Variants in GRIN2B observed in about 807,000 individuals in gnomAD.
GRIN2B encodes glutamate ionotropic receptor NMDA type subunit 2B.
GRIN2B carries 5 observed loss-of-function variants against 114.5 expected under a neutral mutation model. That is an observed-to-expected ratio of 0.04 (90% confidence interval 0.02 to 0.09). GRIN2B has a LOEUF of 0.09. Among genes scored for constraint, GRIN2B ranks in the 10% least tolerant of loss-of-function variants. The pLI is 1.00. For missense variants in GRIN2B, 1,108 were observed against 1,943.5 expected (o/e 0.57, Z 8.08); for synonymous variants, 787 against 745.1 (o/e 1.06, Z -0.92).
At chr12:13,664,638 A>G (rs1358412846) in intron 5 of GRIN2B, among the ~76,000 whole-genome samples, 2 of 152,172 alleles carry the variant, frequency 1.3e-5, no homozygotes, top group Non-Finnish European at 2.9e-5. Flanking sequence ...GAATTTGAAG[A>G]TCAGTGTTCT....
At chr12:13,850,521 G>A (rs561167785) in intron 3 of GRIN2B, among the ~76,000 whole-genome samples, 1 of 152,196 alleles carries the variant, frequency 6.6e-6, no homozygotes, top group African/African-American at 2.4e-5. Flanking sequence ...GGGTGGACCT[G>A]ACAGTTTTGC....
intron 5 of GRIN2B, among the ~76,000 whole-genome samples, chr12:13,656,750 A>G (rs1949868208): frequency 1.3e-5 from 2 of 152,236 alleles, no homozygotes; most frequent in Admixed American, 1.3e-4. Flanking sequence ...TAATGAATAA[A>G]TAGATGTCAC....
intron 5 of GRIN2B, among the ~76,000 whole-genome samples, chr12:13,617,290 G>A (rs1353478835): frequency 6.6e-6 from 1 of 152,204 alleles, no homozygotes; most frequent in Non-Finnish European, 1.5e-5. Context: ...GATGAACATG[G>A]GTCAATGCAG....
At chr12:13,830,089 C>T (rs1281002591) in intron 3 of GRIN2B, among the ~76,000 whole-genome samples, 2 of 152,146 alleles carry the variant, frequency 1.3e-5, no homozygotes, top group Non-Finnish European at 2.9e-5. Flanking sequence ...AAAATGAGTT[C>T]TGTTAACAAG....
At chr12:13,830,919 G>A (rs1865133424) in intron 3 of GRIN2B, among the ~76,000 whole-genome samples, 1 of 152,196 alleles carries the variant, frequency 6.6e-6, no homozygotes, top group South Asian at 2.1e-4. Context: ...CCAAACCTTT[G>A]TTGAAATTCG....
chr12:13,617,029 G>T (rs1805537), intron 5 of GRIN2B, among the ~76,000 whole-genome samples: 3,132 of 152,282 alleles, frequency 0.021, 112 homozygotes, highest in African/African-American at 0.072. Context: ...AAGTGAGGAT[G>T]CTGGAGTTCC....
At position 13,546,211 on chromosome 12, in the gene GRIN2B, A is replaced by G. The variant is rs61911348; in HGVS notation, c.*16572T>C. The stretch of plus-strand genomic sequence containing the variant: ...CCCAATTTAAGTCAATGTAATCACA[A>G]TGCACACAAGGCTCTTCCACTCAGA... On this transcript the variant is annotated 3_prime_UTR_variant, in exon 14 of 14. Transcript: ENST00000609686. 0.098 allele frequency: 14,940 copies of G among 152,316 alleles called. 851 individuals carry two copies. Among genetic ancestry groups the G allele is most frequent in the African/African-American group, 0.14 (5,718 of 41,548 alleles). The allele number at this position is 152,316 out of a possible 1,614,324, so 9.4% of individuals were successfully genotyped here.
At chr12:13,735,579 C>A (rs1382329742) in intron 4 of GRIN2B, among the ~76,000 whole-genome samples, 1 of 152,192 alleles carries the variant, frequency 6.6e-6, no homozygotes, top group African/African-American at 2.4e-5. Context: ...AGACTGCTCT[C>A]CTGTCATGAT....
intron 4 of GRIN2B, among the ~76,000 whole-genome samples, chr12:13,692,565 G>A (rs1476600805): frequency 6.6e-6 from 1 of 151,838 alleles, no homozygotes; most frequent in Non-Finnish European, 1.5e-5. Context: ...CACGTTAGGT[G>A]AACTGCCGTG....
chr12:13,843,049 ATTTATATTT>A (rs931783352), intron 3 of GRIN2B, among the ~76,000 whole-genome samples: 1 of 95,840 alleles, frequency 1.0e-5, no homozygotes, highest in Non-Finnish European at 2.2e-5. Context: ...TTATTTATTT[ATTTATATTT>A]TATTTTAAGT....
At chr12:13,913,302 C>T (rs1866655738) in intron 2 of GRIN2B, among the ~76,000 whole-genome samples, 2 of 152,174 alleles carry the variant, frequency 1.3e-5, no homozygotes, top group Non-Finnish European at 2.9e-5. Context: ...CCTGTACTCA[C>T]CCTACTCGCA....
In GRIN2B at chr12:13,563,495, G is replaced by A. The variant is rs1591605796; in HGVS notation, c.3743C>T (p.Ala1248Val). ...ACIRCEACKK[A>V]GNLYDISEDN... ...CTCACTGATGTCATACAGGTTGCCT[G>A]CTTTCTTGCAAGCCTCACACCGGAT... Residue 1248 changes from alanine (A) to valine (V), a missense_variant, in exon 14 of 14, where the codon GCA (alanine) becomes GTA (valine). By Grantham distance (64) the Ala-to-Val change is moderately conservative (BLOSUM62 0). Transcript: ENST00000609686. The A allele has an allele frequency of 6.2e-7, 1 of 1,614,012 alleles. No individual in the cohort carries two copies. Among genetic ancestry groups the A allele is most frequent in the African/African-American group, 1.3e-5 (1 of 74,912 alleles).
At chr12:13,682,725 A>G (rs185295158) in intron 4 of GRIN2B, among the ~76,000 whole-genome samples, 186 of 152,328 alleles carry the variant, frequency 1.2e-3, no homozygotes, top group African/African-American at 4.2e-3. Flanking sequence ...ACTGGTGGTG[A>G]GAAATGTGCT....
At chr12:13,974,154 G>A (rs767292691) in intron 2 of GRIN2B, among the ~76,000 whole-genome samples, 4 of 152,214 alleles carry the variant, frequency 2.6e-5, no homozygotes, top group Non-Finnish European at 5.9e-5. Flanking sequence ...GGGCTAGGCT[G>A]GTCCTTCATT....
chr12:13,746,049 TTATACAGTA>T (rs1863377203), intron 4 of GRIN2B, among the ~76,000 whole-genome samples: 1 of 151,930 alleles, frequency 6.6e-6, no homozygotes, highest in Non-Finnish European at 1.5e-5. Context: ...TAAATATAAT[TTATACAGTA>T]TATCAGATAT....
chr12:13,646,817 T>A (rs1949765350), intron 5 of GRIN2B, among the ~76,000 whole-genome samples: 2 of 151,978 alleles, frequency 1.3e-5, no homozygotes, highest in African/African-American at 4.8e-5. Context: ...TGTGAGCCAC[T>A]GCACCCAGCC....
intron 3 of GRIN2B, among the ~76,000 whole-genome samples, chr12:13,844,291 T>C (rs1385359227): frequency 3.3e-5 from 5 of 152,208 alleles, no homozygotes. Flanking sequence ...TTCCTCTGTA[T>C]GGGTCCATTC....
rs117339500 is a variant in GRIN2B at position 13,943,795 on chromosome 12, A to G, written c.-19+36133T>C. ...AATTTCCGTCACTGTCTAGCCCCTC[A>G]CCTATAGTCCATTTTATTCACAGTA... On this transcript the variant is annotated intron_variant, in intron 2 of 13. Coordinates refer to ENST00000609686, the MANE Select transcript of GRIN2B (RefSeq NM_000834.5). 1.4e-3 allele frequency among the ~76,000 whole-genome samples: 215 copies of G among 151,908 alleles called. 2 individuals are homozygous for G. The East Asian group carries it at 0.039, about 28-fold the overall frequency.
At chr12:13,812,352 C>A (rs1864747051) in intron 3 of GRIN2B, among the ~76,000 whole-genome samples, 1 of 152,198 alleles carries the variant, frequency 6.6e-6, no homozygotes, top group Non-Finnish European at 1.5e-5. Context: ...CCACCACACC[C>A]AGCCCTGAAA....
Sources: gnomAD v4.1 joint callset for allele counts (sites outside exome capture counted in the v4.1 genomes callset) on GRCh38, gnomAD v4.1.1 for gene constraint, MANE v1.5 for transcripts, NCBI Gene and HGNC (gene_info 2026-07-23, HGNC 2026-07-21) for gene names.